The following ZBTB20 variants were observed in gnomAD, a reference collection of about 807,000 sequenced individuals.
The protein encoded by ZBTB20 is zinc finger and BTB domain-containing protein 20.
ZBTB20 carries 9 observed loss-of-function variants against 56.9 expected under a neutral mutation model. That is an observed-to-expected ratio of 0.16 (90% confidence interval 0.10 to 0.28). ZBTB20 has a LOEUF of 0.28. Among genes scored for constraint, ZBTB20 ranks in the 10% least tolerant of loss-of-function variants. ZBTB20 has a pLI of 1.00. For missense variants in ZBTB20, 655 were observed against 1,003.0 expected, an observed-to-expected ratio of 0.65 and a Z score of 4.69; for synonymous variants, 417 against 420.7, an observed-to-expected ratio of 0.99 and a Z score of 0.11.
chr3:114,429,710 A>C (rs9835646), intron 7 of ZBTB20, among the ~76,000 whole-genome samples: 129,711 of 151,748 alleles, frequency 0.85, 56,314 homozygotes, highest in Middle Eastern at 0.94. Context: ...GAAAAAAAAA[A>C]CCTCCAATAA....
intron 2 of ZBTB20, among the ~76,000 whole-genome samples, chr3:114,980,748 TA>T (rs1234070778): frequency 6.6e-6 from 1 of 151,862 alleles, no homozygotes; most frequent in Non-Finnish European, 1.5e-5. Context: ...AAAGAATGAA[TA>T]AATTAAAAAA....
At chr3:114,884,293 T>C (rs772272341) in intron 4 of ZBTB20, among the ~76,000 whole-genome samples, 2 of 152,184 alleles carry the variant, frequency 1.3e-5, no homozygotes, top group Non-Finnish European at 2.9e-5. Context: ...TACTAAAAAG[T>C]ATATTGATAG....
At chr3:114,751,768 C>G (rs1328803669) in intron 5 of ZBTB20, among the ~76,000 whole-genome samples, 1 of 152,042 alleles carries the variant, frequency 6.6e-6, no homozygotes, top group Non-Finnish European at 1.5e-5. Flanking sequence ...TTATTTCTAT[C>G]TAGAAACAGA....
chr3:114,623,116 C>T (rs980293256), intron 6 of ZBTB20, among the ~76,000 whole-genome samples: 1 of 152,134 alleles, frequency 6.6e-6, no homozygotes, highest in African/African-American at 2.4e-5. Context: ...GATGAGAAAA[C>T]CCAGTAAGAT....
chr3:114,916,351 T>C (rs1470668208), intron 3 of ZBTB20, among the ~76,000 whole-genome samples: 2 of 152,144 alleles, frequency 1.3e-5, no homozygotes, highest in Non-Finnish European at 2.9e-5. Context: ...ATCTGTATTG[T>C]ATGATATCAG....
chr3:115,066,635 A>T (rs1342623518), intron 2 of ZBTB20, among the ~76,000 whole-genome samples: 4 of 152,110 alleles, frequency 2.6e-5, no homozygotes, highest in Non-Finnish European at 4.4e-5. Context: ...CCTTCAGAGG[A>T]TCCCACCTCA....
intron 4 of ZBTB20, among the ~76,000 whole-genome samples, chr3:114,826,203 T>C (rs1307980647): frequency 1.3e-5 from 2 of 151,710 alleles, no homozygotes; most frequent in Non-Finnish European, 3.0e-5. Context: ...TAGTAATGAA[T>C]TGAGAAATGA....
At chr3:114,438,498 T>C (rs762379263) in intron 7 of ZBTB20, among the ~76,000 whole-genome samples, 30 of 150,790 alleles carry the variant, frequency 2.0e-4, no homozygotes, top group Admixed American at 4.6e-4. Context: ...CAAAACAAGA[T>C]CACCTTGATC....
chr3:115,123,917 T>C (rs2084251901), intron 1 of ZBTB20, among the ~76,000 whole-genome samples: 1 of 152,172 alleles, frequency 6.6e-6, no homozygotes, highest in Non-Finnish European at 1.5e-5. Flanking sequence ...CAAGGCAGCA[T>C]TCCTTAGCAC....
intron 4 of ZBTB20, among the ~76,000 whole-genome samples, chr3:114,842,802 C>T (rs1165748758): frequency 6.6e-6 from 1 of 152,056 alleles, no homozygotes; most frequent in Non-Finnish European, 1.5e-5. Flanking sequence ...AAAAGAAATC[C>T]CAGAATTTGC....
Position 114,764,701 on chromosome 3 carries a change from A to G in ZBTB20, c.-343+36400T>C, listed in dbSNP as rs557455608. ...GAGCAATTAGTAAACAAGATCACCA[A>G]TTTCTAGTATTTCTATGAGATATAT... On this transcript the variant is annotated intron_variant, in intron 5 of 11. Coordinates refer to ENST00000675478, the MANE Select transcript of ZBTB20 (RefSeq NM_001348800.3). 2.2e-4 allele frequency among the ~76,000 whole-genome samples: 34 copies of G among 152,260 alleles called. No individual in the cohort carries two copies. The South Asian group carries it at 5.6e-3, about 25-fold the overall frequency.
At chr3:114,818,947 G>T (rs1312837419) in intron 4 of ZBTB20, among the ~76,000 whole-genome samples, 1 of 151,958 alleles carries the variant, frequency 6.6e-6, no homozygotes, top group East Asian at 1.9e-4. Context: ...AAACTATTAA[G>T]AGAGTTGAAT....
chr3:114,731,676 TCCAGCTGTACCTAGATTAGTAACTAAC>T (rs1560181403), intron 5 of ZBTB20, among the ~76,000 whole-genome samples: 27 of 152,276 alleles, frequency 1.8e-4, no homozygotes, highest in African/African-American at 3.1e-4. Flanking sequence ...TAGTTACTAA[TCCAGCTGTACCTAGATTAGTAACTAAC>T]CCGGCTGTAC....
chr3:114,809,421 G>A (rs1289592362), intron 4 of ZBTB20, among the ~76,000 whole-genome samples: 2 of 151,758 alleles, frequency 1.3e-5, no homozygotes, highest in Non-Finnish European at 2.9e-5. Context: ...ATCTCATTGT[G>A]TCTTTATTCT....
At chr3:114,512,299 G>A (rs2045498727) in intron 6 of ZBTB20, among the ~76,000 whole-genome samples, 1 of 69,478 alleles carries the variant, frequency 1.4e-5, no homozygotes, top group South Asian at 4.1e-4. Flanking sequence ...GTTAAGATAG[G>A]GGAGAATATA....
At chr3:114,905,560 T>C (rs2075288570) in intron 3 of ZBTB20, among the ~76,000 whole-genome samples, 1 of 152,008 alleles carries the variant, frequency 6.6e-6, no homozygotes, top group Admixed American at 6.6e-5. Context: ...GTCTTAAATA[T>C]TGGCTAAAGG....
intron 5 of ZBTB20, among the ~76,000 whole-genome samples, chr3:114,720,837 T>C (rs2108492496): frequency 6.6e-6 from 1 of 152,320 alleles, no homozygotes. Context: ...TATCTATTTG[T>C]TGGGATAATG....
chr3:114,885,887 C>T (rs1416754146), intron 4 of ZBTB20, among the ~76,000 whole-genome samples: 6 of 152,108 alleles, frequency 3.9e-5, no homozygotes, highest in Admixed American at 1.3e-4. Context: ...AATACTGGTT[C>T]TGATTAATTA....
chr3:114,577,745 T>G (rs1577706487), intron 6 of ZBTB20, among the ~76,000 whole-genome samples: 1 of 152,326 alleles, frequency 6.6e-6, no homozygotes, highest in East Asian at 1.9e-4. Context: ...TATATAGGGC[T>G]GCAGGACCTG....
Sources: gnomAD v4.1 joint callset for allele counts (sites outside exome capture counted in the v4.1 genomes callset) on GRCh38, gnomAD v4.1.1 for gene constraint, MANE v1.5 for transcripts, NCBI Gene and HGNC (gene_info 2026-07-23, HGNC 2026-07-21) for gene names.